The following RAMP3 variants were observed in gnomAD, a reference collection of about 807,000 sequenced individuals.
RAMP3 encodes the protein receptor activity-modifying protein 3.
In RAMP3, 14 loss-of-function variants were observed where a neutral mutation model predicts 13.5. The ratio of observed to expected loss-of-function variants is 1.04; its 90% CI spans 0.69 to 1.63. RAMP3 has a LOEUF of 1.63. Among genes scored for constraint, RAMP3 ranks in the 40% most tolerant of loss-of-function variants. The pLI is 0.00. For missense variants in RAMP3, 200 were observed against 204.8 expected, an observed-to-expected ratio of 0.98 and a Z score of 0.14; for synonymous variants, 106 against 88.3, an observed-to-expected ratio of 1.20 and a Z score of -1.12.
At chr7:45,160,196 G>A (rs1477848372) in intron 1 of RAMP3, among the ~76,000 whole-genome samples, 2 of 151,700 alleles carry the variant, frequency 1.3e-5, no homozygotes, top group Non-Finnish European at 2.9e-5. Flanking sequence ...GCCGGGTGTG[G>A]TGGTGCATAC....
chr7:45,165,677 A>G (rs930004978), intron 1 of RAMP3, among the ~76,000 whole-genome samples: 9 of 152,194 alleles, frequency 5.9e-5, no homozygotes, highest in Non-Finnish European at 1.0e-4. Context: ...CCCCCTACCC[A>G]TTAGCAGTCA....
intron 2 of RAMP3, among the ~76,000 whole-genome samples, chr7:45,179,206 C>T (rs1786254684): frequency 6.6e-6 from 1 of 152,096 alleles, no homozygotes; most frequent in South Asian, 2.1e-4. Flanking sequence ...GGAGGGTGGT[C>T]TAGGGTAGGA....
intron 1 of RAMP3, among the ~76,000 whole-genome samples, chr7:45,176,327 A>T (rs1786185796): frequency 2.0e-5 from 3 of 152,102 alleles, no homozygotes; most frequent in Non-Finnish European, 2.9e-5. Flanking sequence ...GGCTGTGTAC[A>T]CACATGCTCA....
At chr7:45,173,290 G>A (rs1337122073) in intron 1 of RAMP3, among the ~76,000 whole-genome samples, 1 of 152,224 alleles carries the variant, frequency 6.6e-6, no homozygotes, top group Non-Finnish European at 1.5e-5. Context: ...ACATGGAAGT[G>A]TGTCCGCTTA....
chr7:45,170,972 C>T (rs577926042), intron 1 of RAMP3, among the ~76,000 whole-genome samples: 1 of 151,876 alleles, frequency 6.6e-6, no homozygotes, highest in African/African-American at 2.4e-5. Flanking sequence ...AATTTTTCTC[C>T]AAGTACTGTT....
chr7:45,175,324 C>T (rs1287425393), intron 1 of RAMP3, among the ~76,000 whole-genome samples: 1 of 152,220 alleles, frequency 6.6e-6, no homozygotes, highest in African/African-American at 2.4e-5. Context: ...TCTGCTTACA[C>T]ATGGCAGCAG....
intron 2 of RAMP3, among the ~76,000 whole-genome samples, chr7:45,179,996 A>G (rs1786271887): frequency 6.6e-6 from 1 of 152,236 alleles, no homozygotes; most frequent in South Asian, 2.1e-4. Flanking sequence ...TCGGACTGTG[A>G]TTTCTCAGCT....
In RAMP3 at chr7:45,182,496, G is replaced by A. The variant is rs113762334; in HGVS notation, c.192-661G>A. 7.1e-4 allele frequency among the ~76,000 whole-genome samples: 108 copies of A among 152,310 alleles called. 1 individual carries two copies. Among genetic ancestry groups the A allele is most frequent in the Non-Finnish European group, 4.1e-4 (28 of 68,024 alleles). ...GGACTGTCCAGAGCCTGTGCTGGGCGGTCATGGAGCATCATGGGTGGTTTG... is the reference window on the plus strand; with the variant it reads ...GGACTGTCCAGAGCCTGTGCTGGGCAGTCATGGAGCATCATGGGTGGTTTG... On this transcript the variant is annotated intron_variant, in intron 2 of 2. Coordinates refer to ENST00000242249, the MANE Select transcript of RAMP3 (RefSeq NM_005856.3).
rs139371497 is a variant in RAMP3, at chr7:45,166,837, G to A, written c.58+8951G>A. 2.6e-3 allele frequency among the ~76,000 whole-genome samples: 388 copies of A among 151,598 alleles called. 2 individuals carry two copies. Among genetic ancestry groups the A allele is most frequent in the African/African-American group, 9.1e-3 (375 of 41,298 alleles). On this transcript the variant is annotated intron_variant, in intron 1 of 2. Coordinates refer to ENST00000242249, the MANE Select transcript of RAMP3 (RefSeq NM_005856.3). ...GTTGCCCAGACTGGAGTGCAGTGGC[G>A]CAATCTCAGCTCACTGCAACCTCGG...
At chr7:45,158,674 GA>G (rs201976028) in intron 1 of RAMP3, among the ~76,000 whole-genome samples, 1 of 151,432 alleles carries the variant, frequency 6.6e-6, no homozygotes, top group Admixed American at 6.6e-5. Context: ...TTCTGGGGGG[GA>G]CATTGGTGAT....
At chr7:45,180,736 G>C (rs1786292724) in intron 2 of RAMP3, among the ~76,000 whole-genome samples, 1 of 152,246 alleles carries the variant, frequency 6.6e-6, no homozygotes, top group Non-Finnish European at 1.5e-5. Context: ...GAGGTGGGTG[G>C]GGGGAGAGGG....
intron 1 of RAMP3, among the ~76,000 whole-genome samples, chr7:45,175,899 G>T (rs1202547895): frequency 2.0e-5 from 3 of 152,148 alleles, no homozygotes; most frequent in Non-Finnish European, 2.9e-5. Flanking sequence ...CTGTGTTCTG[G>T]TGGAGCAGGT....
intron 1 of RAMP3, among the ~76,000 whole-genome samples, chr7:45,175,133 A>C (rs1786154331): frequency 6.6e-6 from 1 of 152,176 alleles, no homozygotes; most frequent in Admixed American, 6.5e-5. Flanking sequence ...GGCCTTTCAG[A>C]GAATCCAGGC....
intron 1 of RAMP3, among the ~76,000 whole-genome samples, chr7:45,173,368 G>T (rs770630575): frequency 2.0e-5 from 3 of 152,208 alleles, no homozygotes; most frequent in Non-Finnish European, 2.9e-5. Flanking sequence ...AGCTGCAAGC[G>T]GTGTCCATCA....
chr7:45,171,435 C>T (rs1208146968), intron 1 of RAMP3, among the ~76,000 whole-genome samples: 1 of 152,148 alleles, frequency 6.6e-6, no homozygotes, highest in Non-Finnish European at 1.5e-5. Context: ...GGATTACAGG[C>T]GTGAGCCACC....
intron 2 of RAMP3, among the ~76,000 whole-genome samples, chr7:45,181,007 T>G (rs1301805461): frequency 1.3e-5 from 2 of 152,252 alleles, no homozygotes; most frequent in Non-Finnish European, 2.9e-5. Context: ...TGTGCTCAGC[T>G]CTGCCCCAAA....
intron 1 of RAMP3, among the ~76,000 whole-genome samples, chr7:45,174,838 A>G (rs1584073877): frequency 6.6e-6 from 1 of 152,200 alleles, no homozygotes; most frequent in Non-Finnish European, 1.5e-5. Flanking sequence ...TCCTGAAGAC[A>G]GGAACCAGAC....
intron 2 of RAMP3, among the ~76,000 whole-genome samples, chr7:45,182,194 C>T (rs112956301): frequency 7.2e-5 from 11 of 152,242 alleles, no homozygotes; most frequent in Middle Eastern, 3.4e-3. Flanking sequence ...ATGGGGAAGC[C>T]GAGGCAGGAC....
At chr7:45,182,336 C>G (rs866578086) in intron 2 of RAMP3, among the ~76,000 whole-genome samples, 1 of 152,176 alleles carries the variant, frequency 6.6e-6, no homozygotes, top group African/African-American at 2.4e-5. Context: ...GGCTGCCACT[C>G]TAGGCCTTGC....
Sources: allele counts gnomAD v4.1 joint callset (sites outside exome capture counted in the v4.1 genomes callset), GRCh38; gene constraint gnomAD v4.1.1; transcripts MANE v1.5; gene names NCBI Gene and HGNC (gene_info 2026-07-23, HGNC 2026-07-21).